Variants in ASTN2 observed in about 807,000 individuals in gnomAD.
The protein encoded by ASTN2 is astrotactin-2.
ASTN2 carries 54 observed loss-of-function variants against 139.8 expected under a neutral mutation model. The observed-to-expected ratio is 0.39, with a 90% CI of 0.31 to 0.48. The LOEUF is 0.48. Ranked by LOEUF, ASTN2 falls within the 20% of genes least tolerant of loss-of-function variation. ASTN2 has a pLI of 0.95. For synonymous variants in ASTN2, 756 were observed against 719.5 expected (o/e 1.05, Z -0.81); for missense variants, 1,565 against 1,725.1 (o/e 0.91, Z 1.64).
intron 11 of ASTN2, among the ~76,000 whole-genome samples, chr9:116,849,619 C>A (rs995220003): frequency 9.2e-5 from 14 of 152,212 alleles, no homozygotes; most frequent in African/African-American, 2.9e-4. Flanking sequence ...GGATTTGAAC[C>A]TGTACAGCTT....
rs547912977 is a variant in ASTN2, at chr9:116,951,416, C to T, written c.1889+23792G>A. ...ATGTATGAGCCCATCTCTCACACAGCATCATCACCAATCATGTGGAACAGT... is the reference window on the plus strand; with the variant it reads ...ATGTATGAGCCCATCTCTCACACAGTATCATCACCAATCATGTGGAACAGT... On this transcript the variant is annotated intron_variant, in intron 10 of 22. Coordinates refer to ENST00000313400, the MANE Select transcript of ASTN2 (RefSeq NM_001365068.1). Among the ~76,000 whole-genome samples, 95 of 147,222 alleles carry T rather than the reference C, an allele frequency of 6.5e-4. 1 individual carries two copies. The highest frequency in any genetic ancestry group is 2.2e-3 in the African/African-American group (89 of 40,062).
intron 1 of ASTN2, among the ~76,000 whole-genome samples, chr9:117,296,291 AAAAAAAAAAAAAG>A (rs1834733488): frequency 1.3e-5 from 2 of 150,760 alleles, no homozygotes; most frequent in South Asian, 2.1e-4. Flanking sequence ...AAAAAAAAAA[AAAAAAAAAAAAAG>A]AAAGAAAGAA....
chr9:116,670,446 G>A (rs1033887742), intron 16 of ASTN2, among the ~76,000 whole-genome samples: 6 of 152,140 alleles, frequency 3.9e-5, no homozygotes, highest in South Asian at 2.1e-4. Context: ...ATAAGCCACC[G>A]CACCTGGCCT....
chr9:116,479,664 T>G (rs1466736947), intron 20 of ASTN2, among the ~76,000 whole-genome samples: 1 of 152,086 alleles, frequency 6.6e-6, no homozygotes, highest in Admixed American at 6.5e-5. Context: ...CCACATACAA[T>G]TGTGTGTGTA....
At chr9:116,814,561 AAAAAGACTGCC>A (rs1214803444) in intron 12 of ASTN2, among the ~76,000 whole-genome samples, 1 of 152,210 alleles carries the variant, frequency 6.6e-6, no homozygotes, top group East Asian at 1.9e-4. Context: ...CAAGGAAAAA[AAAAAGACTGCC>A]AAATAAACTC....
intron 16 of ASTN2, among the ~76,000 whole-genome samples, chr9:116,680,335 A>C (rs929239113): frequency 1.3e-5 from 2 of 152,222 alleles, no homozygotes; most frequent in African/African-American, 4.8e-5. Flanking sequence ...AAGAAGTTGA[A>C]TCTCTGAATA....
At chr9:116,713,451 C>T (rs1295687297) in intron 16 of ASTN2, among the ~76,000 whole-genome samples, 1 of 152,176 alleles carries the variant, frequency 6.6e-6, no homozygotes, top group African/African-American at 2.4e-5. Flanking sequence ...AGCTGGCACT[C>T]TGACTCAGAG....
intron 5 of ASTN2, among the ~76,000 whole-genome samples, chr9:117,090,894 C>T (rs1828689384): frequency 1.3e-5 from 2 of 152,244 alleles, no homozygotes; most frequent in Admixed American, 1.3e-4. Flanking sequence ...CTCCTCCATG[C>T]CCCACTCCCA....
intron 19 of ASTN2, among the ~76,000 whole-genome samples, chr9:116,580,358 C>T (rs12005761): frequency 0.16 from 24,537 of 152,078 alleles, 2,165 homozygotes; most frequent in African/African-American, 0.22. Flanking sequence ...GACAGCTCTG[C>T]CCCCTTGTCC....
At chr9:116,577,689 C>A (rs1391902532) in intron 19 of ASTN2, among the ~76,000 whole-genome samples, 1 of 152,170 alleles carries the variant, frequency 6.6e-6, no homozygotes, top group Non-Finnish European at 1.5e-5. Flanking sequence ...AAGTGCTGAA[C>A]AAGTGATGTT....
Position 117,113,679 on chromosome 9 carries a change from A to AAAAC in ASTN2, c.1169-17529_1169-17528insGTTT, listed in dbSNP as rs200108590. Among the ~76,000 whole-genome samples, 141 of 38,964 alleles carry AAAAC rather than the reference A, an allele frequency of 3.6e-3. No homozygotes were observed. The East Asian group carries it at 0.076, about 21-fold the overall frequency. The allele number at this position is 38,964 out of a possible 152,430, so 25.6% of individuals were successfully genotyped here. A position where few individuals can be genotyped will look rare whatever the true frequency, so the allele number is the denominator to read the frequency against. The stretch of plus-strand genomic sequence containing the variant: ...CTCAAAAAACAAAACAAAACAAAAC[A>AAAAC]AAAAAAAAAGGATCTACTGACAGGT... On this transcript the variant is annotated intron_variant, in intron 4 of 22. Transcript: ENST00000313400.
At chr9:117,368,725 T>G (rs1829912499) in intron 1 of ASTN2, among the ~76,000 whole-genome samples, 1 of 152,198 alleles carries the variant, frequency 6.6e-6, no homozygotes. Flanking sequence ...TTAGAAGAAC[T>G]GATCTGAAAA....
At chr9:116,813,479 G>C (rs1441752) in intron 12 of ASTN2, among the ~76,000 whole-genome samples, 35,630 of 152,054 alleles carry the variant, frequency 0.23, 4,438 homozygotes, top group East Asian at 0.49. Context: ...CCTTGACTTG[G>C]GTCTTCTTAC....
At chr9:116,718,800 C>T (rs964952909) in intron 16 of ASTN2, among the ~76,000 whole-genome samples, 1 of 151,816 alleles carries the variant, frequency 6.6e-6, no homozygotes, top group Non-Finnish European at 1.5e-5. Context: ...ATTGGCTCTC[C>T]CACTTCTCAG....
chr9:116,990,781 G>T (rs1445979910), intron 7 of ASTN2, among the ~76,000 whole-genome samples: 4 of 152,162 alleles, frequency 2.6e-5, no homozygotes, highest in African/African-American at 9.7e-5. Flanking sequence ...GGATATAATG[G>T]AGAATCATTG....
At chr9:117,394,185 C>T (rs1435760123) in intron 1 of ASTN2, among the ~76,000 whole-genome samples, 1 of 152,108 alleles carries the variant, frequency 6.6e-6, no homozygotes, top group African/African-American at 2.4e-5. Flanking sequence ...CTGTACCAGG[C>T]AACAGGAGAC....
intron 16 of ASTN2, among the ~76,000 whole-genome samples, chr9:116,707,166 G>A (rs937300885): frequency 6.6e-6 from 1 of 151,390 alleles, no homozygotes; most frequent in African/African-American, 2.4e-5. Context: ...GTCACTCATG[G>A]ACGAAGACCA....
At chr9:117,281,353 C>T (rs1277426164) in intron 2 of ASTN2, among the ~76,000 whole-genome samples, 1 of 152,190 alleles carries the variant, frequency 6.6e-6, no homozygotes, top group East Asian at 1.9e-4. Flanking sequence ...TTTAAGTCCT[C>T]ATCTGTCTTG....
chr9:117,279,586 G>A (rs886339888), intron 2 of ASTN2, among the ~76,000 whole-genome samples: 8 of 152,170 alleles, frequency 5.3e-5, no homozygotes, highest in African/African-American at 1.9e-4. Flanking sequence ...AGGCAGTTCT[G>A]TCCCAAAGTC....
Sources: gnomAD v4.1 joint callset for allele counts (sites outside exome capture counted in the v4.1 genomes callset) on GRCh38, gnomAD v4.1.1 for gene constraint, MANE v1.5 for transcripts, NCBI Gene and HGNC (gene_info 2026-07-23, HGNC 2026-07-21) for gene names.